Variants in MARCHF1 observed in about 807,000 individuals in gnomAD.
MARCHF1 encodes the protein E3 ubiquitin-protein ligase MARCHF1.
In MARCHF1, 40 loss-of-function variants were observed where a neutral mutation model predicts 54.2. The ratio of observed to expected loss-of-function variants is 0.74; its 90% CI spans 0.57 to 0.96. MARCHF1 has a LOEUF of 0.96. MARCHF1 is among the 40% of genes least tolerant of loss of function. The pLI is 0.00. For synonymous variants in MARCHF1, 236 were observed against 236.3 expected (o/e 1.00, Z 0.01); for missense variants, 586 against 656.5 (o/e 0.89, Z 1.17).
chr4:164,204,308 C>A (rs746445509), intron 1 of MARCHF1, among the ~76,000 whole-genome samples: 1 of 152,114 alleles, frequency 6.6e-6, no homozygotes, highest in Non-Finnish European at 1.5e-5. Flanking sequence ...CATATAAGAG[C>A]AGTCAAATAA....
At chr4:164,102,127 T>G (rs1290196140) in intron 2 of MARCHF1, among the ~76,000 whole-genome samples, 1 of 107,094 alleles carries the variant, frequency 9.3e-6, no homozygotes, top group African/African-American at 3.6e-5. Context: ...AAAGACCAAA[T>G]CTACGTCTGA....
At chr4:164,241,030 C>G (rs972635795) in intron 1 of MARCHF1, among the ~76,000 whole-genome samples, 1 of 152,014 alleles carries the variant, frequency 6.6e-6, no homozygotes, top group African/African-American at 2.4e-5. Flanking sequence ...TAGGTAAGAC[C>G]ACTATCGTAA....
chr4:163,860,928 C>T (rs918079883), intron 3 of MARCHF1, among the ~76,000 whole-genome samples: 7 of 152,020 alleles, frequency 4.6e-5, no homozygotes, highest in African/African-American at 1.4e-4. Context: ...CAAAAAATTA[C>T]GAAGCATGCT....
At chr4:163,643,623 A>C (rs16853) in intron 5 of MARCHF1, among the ~76,000 whole-genome samples, 1 of 152,216 alleles carries the variant, frequency 6.6e-6, no homozygotes, top group Non-Finnish European at 1.5e-5. Context: ...ACACATTTGT[A>C]TAAGTAAATG....
At chr4:163,962,957 C>T (rs1426622563) in intron 3 of MARCHF1, among the ~76,000 whole-genome samples, 4 of 151,852 alleles carry the variant, frequency 2.6e-5, no homozygotes, top group African/African-American at 9.7e-5. Flanking sequence ...ATATTCAATA[C>T]ATTCTAAAAA....
intron 2 of MARCHF1, among the ~76,000 whole-genome samples, chr4:164,057,075 A>G (rs1754508832): frequency 6.6e-6 from 1 of 152,198 alleles, no homozygotes; most frequent in South Asian, 2.1e-4. Context: ...CAAATTAAAA[A>G]CACTGTGACA....
At chr4:164,000,445 C>T (rs1436428323) in intron 2 of MARCHF1, among the ~76,000 whole-genome samples, 1 of 151,118 alleles carries the variant, frequency 6.6e-6, no homozygotes, top group South Asian at 2.1e-4. Context: ...ATGGAAAATT[C>T]AATAAAATAT....
At chr4:163,978,910 A>G (rs920273291) in intron 3 of MARCHF1, among the ~76,000 whole-genome samples, 1 of 151,792 alleles carries the variant, frequency 6.6e-6, no homozygotes, top group Admixed American at 6.6e-5. Flanking sequence ...AATATTTTAT[A>G]TAGACAGGGT....
At chr4:164,126,508 G>A (rs2952339) in intron 1 of MARCHF1, among the ~76,000 whole-genome samples, 25,178 of 152,132 alleles carry the variant, frequency 0.17, 2,532 homozygotes, top group East Asian at 0.49. Flanking sequence ...GAGAAGTGGC[G>A]GTGCTGCTGT....
rs1560959889 is a variant in MARCHF1, at chr4:164,220,634, A to ATGCTATATATGCATATATGTAATATG, written c.-322-108973_-322-108972insCATATTACATATATGCATATATAGCA. Among the ~76,000 whole-genome samples the ATGCTATATATGCATATATGTAATATG allele has an allele frequency of 3.7e-3, 367 of 99,920 alleles. 13 individuals are homozygous for ATGCTATATATGCATATATGTAATATG. Among genetic ancestry groups the ATGCTATATATGCATATATGTAATATG allele is most frequent in the Admixed American group, 0.035 (284 of 8,012 alleles). 65.6% of individuals were successfully genotyped at this position (99,920 alleles called of 152,430 possible). A position where few individuals can be genotyped will look rare whatever the true frequency, so the allele number is the denominator to read the frequency against. ...TGCTATATATGCATATATGTAATATATATGCTATATATGCATATATGTAAT... is the reference window on the plus strand; with the variant it reads ...TGCTATATATGCATATATGTAATATATGCTATATATGCATATATGTAATATGTATGCTATATATGCATATATGTAAT... On this transcript the variant is annotated intron_variant, in intron 1 of 9. Coordinates refer to ENST00000514618, the MANE Select transcript of MARCHF1 (RefSeq NM_001394959.1).
chr4:164,370,659 A>C (rs547546445), intron 1 of MARCHF1, among the ~76,000 whole-genome samples: 2 of 152,362 alleles, frequency 1.3e-5, no homozygotes, highest in African/African-American at 4.8e-5. Context: ...CTGTAATCCC[A>C]GCACTTTGGG....
intron 2 of MARCHF1, among the ~76,000 whole-genome samples, chr4:164,086,031 A>T (rs1017714109): frequency 2.0e-5 from 3 of 151,778 alleles, no homozygotes; most frequent in Non-Finnish European, 4.4e-5. Context: ...AAAGGCTATT[A>T]AAAAAATGGT....
At chr4:163,807,599 A>G (rs1011157821) in intron 4 of MARCHF1, among the ~76,000 whole-genome samples, 4 of 152,170 alleles carry the variant, frequency 2.6e-5, no homozygotes, top group African/African-American at 2.4e-5. Flanking sequence ...CATCCATTTA[A>G]TAAGTATGTT....
At position 164,050,882 on chromosome 4, in the gene MARCHF1, G is replaced by A. The variant is rs557755703; in HGVS notation, c.-248+60706C>T. ...CAGGAGGCGGAGGTTGCGGTGAGCC[G>A]AGATTGTGCCATTGCACTCCAGCCT... On this transcript the variant is annotated intron_variant, in intron 2 of 9. Transcript: ENST00000514618. Among the ~76,000 whole-genome samples, 5 of 152,076 alleles carry A rather than the reference G, an allele frequency of 3.3e-5. No individual in the cohort carries two copies. In the East Asian group the frequency reaches 7.8e-4, roughly 24 times the overall value.
In MARCHF1 at chr4:163,638,660, C is replaced by T. The variant is rs189960328; in HGVS notation, c.163-25267G>A. Among the ~76,000 whole-genome samples, 395 of 152,118 alleles carry T rather than the reference C, an allele frequency of 2.6e-3. 2 individuals are homozygous for T. Among genetic ancestry groups the T allele is most frequent in the African/African-American group, 9.2e-3 (383 of 41,522 alleles). The stretch of plus-strand genomic sequence containing the variant: ...TTCCCCTTCTGAGTAATTCCACTCC[C>T]GGGTATCTATCCAAAAGGATCAAAA... On this transcript the variant is annotated intron_variant, in intron 5 of 9. Coordinates refer to ENST00000514618, the MANE Select transcript of MARCHF1 (RefSeq NM_001394959.1).
chr4:163,928,185 CTTTT>C (rs1221779434), intron 3 of MARCHF1, among the ~76,000 whole-genome samples: 3 of 151,774 alleles, frequency 2.0e-5, no homozygotes, highest in Non-Finnish European at 4.4e-5. Context: ...CTCACTCATT[CTTTT>C]TTCACTGATT....
chr4:164,143,286 G>C lies in MARCHF1; in HGVS notation c.-322-31624C>G, dbSNP rs1212548667. On this transcript the variant is annotated intron_variant, in intron 1 of 9. Coordinates refer to ENST00000514618, the MANE Select transcript of MARCHF1 (RefSeq NM_001394959.1). ...CAGGAGAACTTCCCCAATCTAGCAA[G>C]GCAGGCCAACGTTCAGATTCAGGAA... 2.0e-5 allele frequency among the ~76,000 whole-genome samples: 3 copies of C among 148,934 alleles called. No individual in the cohort carries two copies. In the East Asian group the frequency reaches 5.9e-4, roughly 29 times the overall value.
chr4:164,161,054 T>G (rs1292892066), intron 1 of MARCHF1, among the ~76,000 whole-genome samples: 2 of 152,106 alleles, frequency 1.3e-5, no homozygotes, highest in African/African-American at 4.8e-5. Context: ...ATTGATATAG[T>G]TTGGATGTGT....
At chr4:163,815,640 G>A (rs61627806) in intron 4 of MARCHF1, among the ~76,000 whole-genome samples, 8,687 of 152,120 alleles carry the variant, frequency 0.057, 610 homozygotes, top group East Asian at 0.27. Flanking sequence ...TTTTTTGTGT[G>A]CTTACTGTTC....
Sources: allele counts gnomAD v4.1 joint callset (sites outside exome capture counted in the v4.1 genomes callset), GRCh38; gene constraint gnomAD v4.1.1; transcripts MANE v1.5; gene names NCBI Gene and HGNC (gene_info 2026-07-23, HGNC 2026-07-21).